The following SMAD2 variants were observed in gnomAD, a reference collection of about 807,000 sequenced individuals.
SMAD2 encodes SMAD family member 2, also known as MAD homolog 2.
A neutral mutation model predicts 64.4 loss-of-function variants in SMAD2; 8 were observed. The ratio of observed to expected loss-of-function variants is 0.12; its 90% CI spans 0.07 to 0.22. The LOEUF (loss-of-function observed/expected upper bound fraction) is 0.22, where lower values mean the gene tolerates loss of function less well. Ranked by LOEUF, SMAD2 falls within the 10% of genes least tolerant of loss-of-function variation. SMAD2 has a pLI of 1.00. For synonymous variants in SMAD2, 203 were observed against 195.8 expected, an observed-to-expected ratio of 1.04 and a Z score of -0.31; for missense variants, 289 against 561.2, an observed-to-expected ratio of 0.51 and a Z score of 4.90.
At chr18:47,906,316 C>A (rs114315359) in intron 1 of SMAD2, among the ~76,000 whole-genome samples, 3,187 of 152,118 alleles carry the variant, frequency 0.021, 121 homozygotes, top group African/African-American at 0.073. Flanking sequence ...CTTCGGGTCC[C>A]AAGCATTTTG....
rs138372155 is a variant in SMAD2, at chr18:47,908,705, A to G, written c.-53-11896T>C. ...GTAGTACATACTGTACTACTGTAAT[A>G]ATTTCATCGCCACCTCCTGTTGCTA... On this transcript the variant is annotated intron_variant, in intron 1 of 10. Coordinates refer to ENST00000262160, the MANE Select transcript of SMAD2 (RefSeq NM_005901.6). Among the ~76,000 whole-genome samples, 1,085 of 152,342 alleles carry G rather than the reference A, an allele frequency of 7.1e-3. 6 individuals carry two copies. Among genetic ancestry groups the G allele is most frequent in the Non-Finnish European group, 0.01 (703 of 68,024 alleles).
At chr18:47,923,464 T>C (rs1311453889) in intron 1 of SMAD2, 2 of 152,230 alleles carry the variant, frequency 1.3e-5, no homozygotes, top group Admixed American at 1.3e-4. Context: ...ATCAGCTGCA[T>C]ATGGCTATCT....
intron 2 of SMAD2, among the ~76,000 whole-genome samples, chr18:47,876,643 G>C (rs150466040): frequency 1.2e-3 from 181 of 151,978 alleles, no homozygotes; most frequent in African/African-American, 4.3e-3. Flanking sequence ...AGGATGACTT[G>C]GTAATAAACC....
chr18:47,928,195 A>G (rs890211825), intron 1 of SMAD2, among the ~76,000 whole-genome samples: 2 of 152,314 alleles, frequency 1.3e-5, no homozygotes, highest in African/African-American at 4.8e-5. Flanking sequence ...CATTACAAAA[A>G]CACCTGTATA....
chr18:47,846,064 A>G (rs2144292103), intron 8 of SMAD2, among the ~76,000 whole-genome samples: 1 of 152,302 alleles, frequency 6.6e-6, no homozygotes, highest in East Asian at 1.9e-4. Flanking sequence ...ACATAGTAAA[A>G]TAGTTTCATA....
At chr18:47,928,160 C>T (rs1249137509) in intron 1 of SMAD2, among the ~76,000 whole-genome samples, 1 of 152,146 alleles carries the variant, frequency 6.6e-6, no homozygotes, top group Non-Finnish European at 1.5e-5. Flanking sequence ...ATCTGCCAGA[C>T]TGCACTAAAT....
At chr18:47,902,286 T>C (rs1045095843) in intron 1 of SMAD2, among the ~76,000 whole-genome samples, 3 of 152,210 alleles carry the variant, frequency 2.0e-5, no homozygotes, top group Admixed American at 6.5e-5. Flanking sequence ...TTTACACCCA[T>C]TGTTCTCTAT....
intron 1 of SMAD2, among the ~76,000 whole-genome samples, chr18:47,902,268 TA>T (rs2033714474): frequency 6.6e-6 from 1 of 152,204 alleles, no homozygotes; most frequent in Admixed American, 6.5e-5. Flanking sequence ...TTGCTTTCTT[TA>T]ATCATTTTTA....
intron 1 of SMAD2, among the ~76,000 whole-genome samples, chr18:47,902,064 C>T (rs146543480): frequency 6.6e-6 from 1 of 152,246 alleles, no homozygotes; most frequent in East Asian, 1.9e-4. Flanking sequence ...TGGTTTATCT[C>T]TTCCGCCCAG....
At chr18:47,857,055 C>T (rs72912369) in intron 6 of SMAD2, among the ~76,000 whole-genome samples, 38,623 of 151,610 alleles carry the variant, frequency 0.25, 5,969 homozygotes, top group East Asian at 0.35. Context: ...GACGGGGTTT[C>T]ACCGTTTTAG....
At position 47,836,741 on chromosome 18, in the gene SMAD2, CGA is replaced by C. The variant is rs1218031569; in HGVS notation, c.*5084_*5085del. 5 of 218,904 alleles carry C rather than the reference CGA, an allele frequency of 2.3e-5. No homozygotes were observed. Among genetic ancestry groups the C allele is most frequent in the Non-Finnish European group, 3.7e-5 (4 of 109,494 alleles). 13.6% of individuals were successfully genotyped at this position (218,904 alleles called of 1,614,324 possible). ...CTACTCAAAAAATTACATGAACACA[CGA>C]GATAAGTTCTTATCGTAAATGCTAT... On this transcript the variant is annotated 3_prime_UTR_variant, in exon 11 of 11. Coordinates refer to ENST00000262160, the MANE Select transcript of SMAD2 (RefSeq NM_005901.6).
chr18:47,838,427 C>T lies in SMAD2; in HGVS notation c.*3400G>A, dbSNP rs1467713577. ...AAGCACAGCTCAAGGGTCAGGGCCCCGTCCTAGTCATCTTTTTATTATTCA... is the reference window on the plus strand; with the variant it reads ...AAGCACAGCTCAAGGGTCAGGGCCCTGTCCTAGTCATCTTTTTATTATTCA... On this transcript the variant is annotated 3_prime_UTR_variant, in exon 11 of 11. Transcript: ENST00000262160. 3.0e-5 allele frequency: 7 copies of T among 233,238 alleles called. No homozygotes were observed. The highest frequency in any genetic ancestry group is 1.2e-4 in the East Asian group (2 of 16,640). 14.4% of individuals were successfully genotyped at this position (233,238 alleles called of 1,614,324 possible).
intron 1 of SMAD2, among the ~76,000 whole-genome samples, chr18:47,927,852 T>C (rs1206156941): frequency 2.6e-5 from 4 of 152,230 alleles, no homozygotes; most frequent in Non-Finnish European, 5.9e-5. Context: ...TGAGCCGAGA[T>C]CGTGCCATTG....
At chr18:47,842,272 T>C (rs1176070869) in intron 10 of SMAD2, among the ~76,000 whole-genome samples, 2 of 152,162 alleles carry the variant, frequency 1.3e-5, no homozygotes, top group Non-Finnish European at 2.9e-5. Context: ...CCAGGCGTGG[T>C]GGCTCACACC....
At chr18:47,858,833 A>C (rs990623878) in intron 6 of SMAD2, among the ~76,000 whole-genome samples, 1 of 152,194 alleles carries the variant, frequency 6.6e-6, no homozygotes, top group Non-Finnish European at 1.5e-5. Context: ...TGATTAGTCT[A>C]AAAGGCAGGA....
At chr18:47,888,601 T>C (rs1025994350) in intron 2 of SMAD2, among the ~76,000 whole-genome samples, 1 of 152,204 alleles carries the variant, frequency 6.6e-6, no homozygotes, top group Non-Finnish European at 1.5e-5. Context: ...TATAATCCAG[T>C]GGCAGACTAA....
chr18:47,883,797 A>G (rs1469484953), intron 2 of SMAD2, among the ~76,000 whole-genome samples: 1 of 152,134 alleles, frequency 6.6e-6, no homozygotes, highest in Non-Finnish European at 1.5e-5. Flanking sequence ...GAGTTTGACC[A>G]TGATATATCT....
At chr18:47,870,923 T>A (rs543045821) in intron 2 of SMAD2, among the ~76,000 whole-genome samples, 29 of 152,260 alleles carry the variant, frequency 1.9e-4, no homozygotes, top group African/African-American at 4.6e-4. Flanking sequence ...TCCAGTTTTT[T>A]AAAAAATTAT....
intron 1 of SMAD2, among the ~76,000 whole-genome samples, chr18:47,922,954 T>C (rs550681972): frequency 1.3e-5 from 2 of 152,200 alleles, no homozygotes; most frequent in South Asian, 4.2e-4. Context: ...TTCAACTTTA[T>C]GGACTGTCAA....
Sources: allele counts gnomAD v4.1 joint callset (sites outside exome capture counted in the v4.1 genomes callset), GRCh38; gene constraint gnomAD v4.1.1; transcripts MANE v1.5; gene names NCBI Gene and HGNC (gene_info 2026-07-23, HGNC 2026-07-21).